The following ABCA5 variants were observed in gnomAD, a reference collection of about 807,000 sequenced individuals.
ABCA5 encodes cholesterol transporter ABCA5.
In ABCA5, 163 loss-of-function variants were observed where a neutral mutation model predicts 206.0. The observed-to-expected ratio is 0.79, with a 90% CI of 0.70 to 0.90. The LOEUF is 0.90. ABCA5 is among the 40% of genes least tolerant of loss of function. The pLI is 0.00. For synonymous variants in ABCA5, 609 were observed against 613.8 expected (o/e 0.99, Z 0.11); for missense variants, 1,859 against 1,912.9 (o/e 0.97, Z 0.53).
At chr17:69,275,715 T>C (rs773330907) in intron 19 of ABCA5, among the ~76,000 whole-genome samples, 5 of 152,178 alleles carry the variant, frequency 3.3e-5, no homozygotes, top group Admixed American at 6.5e-5. Flanking sequence ...TTGTTATGGA[T>C]TGAATGTTTG....
rs1567768240 is a variant in ABCA5, at chr17:69,287,687, A to C, written c.1967T>G (p.Leu656Arg). Reference sequence around the variant, plus strand: ...CCGATTGGCTTTTCTGTATTTTAAAAGATTCCATACAATATGTCGAGAACA... The same window carrying C: ...CCGATTGGCTTTTCTGTATTTTAAACGATTCCATACAATATGTCGAGAACA... Reference protein sequence around the residue: ...DPCSRHIVWNLLKYRKANRVT... With the variant: ...DPCSRHIVWNRLKYRKANRVT... The change falls in exon 15 of 39, where the codon CTT becomes CGT. Residue 656 changes from leucine (L) to arginine (R), a missense_variant. Transcript: ENST00000392676. 6.2e-7 allele frequency: 1 copy of C among 1,613,900 alleles called. No homozygotes were observed. Among genetic ancestry groups the C allele is most frequent in the South Asian group, 1.1e-5 (1 of 91,074 alleles).
chr17:69,325,588 A>G (rs1053751692), intron 1 of ABCA5: 2 of 152,264 alleles, frequency 1.3e-5, no homozygotes, highest in Non-Finnish European at 2.9e-5. Flanking sequence ...AATTGTATTC[A>G]TATCGGTACT....
chr17:69,253,785 T>C lies in ABCA5; in HGVS notation c.4320+9A>G, dbSNP rs1221309382. On this transcript the variant is annotated intron_variant, in intron 33 of 38. Coordinates refer to ENST00000392676, the MANE Select transcript of ABCA5 (RefSeq NM_172232.4). ...AATACAGGCATTATTTGGTGTTTAA[T>C]GAAAGTACCTTTCGTTTGATTCCTG... is the stretch of plus-strand genomic sequence containing the variant. The C allele has an allele frequency of 1.2e-6, 2 of 1,609,420 alleles. 1 individual carries two copies. The highest frequency in any genetic ancestry group is 3.3e-5 in the Admixed American group (2 of 59,886).
intron 9 of ABCA5, among the ~76,000 whole-genome samples, chr17:69,299,467 CACAT>C (rs1167474229): frequency 6.4e-4 from 89 of 139,640 alleles, no homozygotes; most frequent in African/African-American, 2.2e-3. Context: ...CACACACACA[CACAT>C]ACACACACAC....
chr17:69,247,671 A>C (rs746548135), intron 38 of ABCA5, 27 bp from the exon 39 acceptor site: 3 of 1,391,854 alleles, frequency 2.2e-6, no homozygotes, highest in Non-Finnish European at 3.0e-6. Context: ...AAATGAATAC[A>C]GTATGCTGTA....
intron 24 of ABCA5, 40 bp from the exon 25 acceptor site, chr17:69,261,788 C>A: frequency 1.2e-6 from 1 of 805,780 alleles, no homozygotes; most frequent in Non-Finnish European, 1.9e-6. Flanking sequence ...ATATGAATAG[C>A]TTGCAATACA....
At chr17:69,298,605 C>T (rs1206642516) in intron 9 of ABCA5, among the ~76,000 whole-genome samples, 2 of 151,992 alleles carry the variant, frequency 1.3e-5, no homozygotes, top group Non-Finnish European at 2.9e-5. Context: ...AAAGGACACC[C>T]TATTTAACAA....
chr17:69,312,331 AG>A (rs2075778336), intron 3 of ABCA5, among the ~76,000 whole-genome samples: 1 of 152,170 alleles, frequency 6.6e-6, no homozygotes, highest in South Asian at 2.1e-4. Flanking sequence ...GTGGAGGCCA[AG>A]GGAGGAAGAT....
intron 1 of ABCA5, among the ~76,000 whole-genome samples, chr17:69,323,990 G>A (rs1475787094): frequency 6.6e-6 from 1 of 152,194 alleles, no homozygotes; most frequent in Non-Finnish European, 1.5e-5. Context: ...ATTCATTTAT[G>A]TATTATCTAT....
At chr17:69,248,920 G>C (rs2074982353) in intron 37 of ABCA5, 1 of 152,294 alleles carries the variant, frequency 6.6e-6, no homozygotes, top group East Asian at 1.9e-4. Flanking sequence ...TAAAAACAGA[G>C]TCTCACTATG....
Position 69,249,908 on chromosome 17 carries a change from C to T in ABCA5, c.4762G>A (p.Glu1588Lys), listed in dbSNP as rs1409154604. The T allele has an allele frequency of 6.4e-7, 1 of 1,557,288 alleles. No individual in the cohort carries two copies. ...CAAAATAGAAGATACTACTTACCTTCTTCCAGCTTAAAAAAAGATTGTGAA... is the reference window on the plus strand; with the variant it reads ...CAAAATAGAAGATACTACTTACCTTTTTCCAGCTTAAAAAAAGATTGTGAA... ...SLSQSFFKLE[E>K]AKHAFAIEEY... Residue 1588 changes from glutamate (E) to lysine (K), a missense_variant, in exon 37 of 39, where the codon GAA (glutamate) becomes AAA (lysine). Physicochemically the swap from Glu to Lys is moderately conservative, Grantham distance 56 (BLOSUM62 1). Transcript: ENST00000392676.
At chr17:69,254,839 T>A (rs2075056560) in intron 31 of ABCA5, among the ~76,000 whole-genome samples, 1 of 152,074 alleles carries the variant, frequency 6.6e-6, no homozygotes, top group Non-Finnish European at 1.5e-5. Flanking sequence ...TTTTACTCCT[T>A]TTTGATGTTT....
chr17:69,309,266 T>A lies in ABCA5; in HGVS notation c.465A>T (p.Ser155=), dbSNP rs777503613. The A allele has an allele frequency of 1.3e-6, 2 of 1,565,688 alleles. 1 individual carries two copies. Residue 155 remains serine, a synonymous_variant, in exon 4 of 39, where the codon TCA becomes TCT. Transcript: ENST00000392676. ...TGATTATGTAGGGCTATTTACCTCT[T>A]GAATCCATATAAATAGAAGATACTG... ...MIPVSSIYMD[S]RAGCSKSCEA...
intron 36 of ABCA5, 103 bp downstream of exon 36, chr17:69,250,369 G>A: frequency 2.3e-6 from 2 of 867,626 alleles, no homozygotes; most frequent in Non-Finnish European, 3.4e-6. Flanking sequence ...ATATATATAT[G>A]GTCTATGAAT....
At chr17:69,257,122 T>C (rs1598151163) in intron 28 of ABCA5, among the ~76,000 whole-genome samples, 1 of 152,196 alleles carries the variant, frequency 6.6e-6, no homozygotes, top group South Asian at 2.1e-4. Flanking sequence ...CTTAGCACTT[T>C]AAGAAGCCGA....
At chr17:69,288,986 T>C (rs1598181108) in intron 14 of ABCA5, among the ~76,000 whole-genome samples, 191 bp downstream of exon 14, 2 of 152,150 alleles carry the variant, frequency 1.3e-5, no homozygotes, top group East Asian at 1.9e-4. Flanking sequence ...TGACAGCTAC[T>C]AAAATTAAAA....
chr17:69,256,748 G>C (rs757728494), intron 28 of ABCA5, among the ~76,000 whole-genome samples: 2 of 152,000 alleles, frequency 1.3e-5, no homozygotes, highest in African/African-American at 4.8e-5. Context: ...AAGCCACCAT[G>C]CCCAGCCACA....
chr17:69,261,149 T>C lies in ABCA5; in HGVS notation c.3540A>G (p.Leu1180=), dbSNP rs1185260169. The change falls in exon 26 of 39, where the codon CTA becomes CTG. Residue 1180 remains leucine (L), a synonymous_variant. Transcript: ENST00000392676. The part of the protein sequence containing the change: ...FCIIIPIYPL[L]GCLISFIKIS... ...CCTTTATGAAAGAAATCAGGCAACC[T>C]AGAAGTGGATAGATTGGAATGATGA... 2 of 1,593,720 alleles carry C rather than the reference T, an allele frequency of 1.3e-6. No homozygotes were observed. Among genetic ancestry groups the C allele is most frequent in the Middle Eastern group, 1.7e-4 (1 of 5,902 alleles).
chr17:69,323,959 T>C (rs2145059393), intron 1 of ABCA5, among the ~76,000 whole-genome samples: 1 of 152,332 alleles, frequency 6.6e-6, no homozygotes, highest in East Asian at 1.9e-4. Flanking sequence ...AATACAGTGT[T>C]ATTGGAACAC....
Sources: allele counts gnomAD v4.1 joint callset (sites outside exome capture counted in the v4.1 genomes callset), GRCh38; gene constraint gnomAD v4.1.1; transcripts MANE v1.5; gene names NCBI Gene and HGNC (gene_info 2026-07-23, HGNC 2026-07-21).